The following KCND2 variants were observed in gnomAD, a reference collection of about 807,000 sequenced individuals.
KCND2 encodes A-type voltage-gated potassium channel KCND2.
A neutral mutation model predicts 54.4 loss-of-function variants in KCND2; 16 were observed. The observed-to-expected ratio is 0.29, with a 90% CI of 0.20 to 0.45. KCND2 has a LOEUF of 0.45. KCND2 is among the 20% of genes least tolerant of loss of function. KCND2 has a pLI of 1.00. For missense variants in KCND2, 486 were observed against 824.2 expected (o/e 0.59, Z 5.02); for synonymous variants, 317 against 310.7 (o/e 1.02, Z -0.21).
chr7:120,364,776 C>A (rs1800643199), intron 1 of KCND2, among the ~76,000 whole-genome samples: 1 of 151,964 alleles, frequency 6.6e-6, no homozygotes. Context: ...GGATGAGGAA[C>A]CTAATCAGAC....
chr7:120,636,316 TAC>T (rs1396560559), intron 1 of KCND2, among the ~76,000 whole-genome samples: 10 of 152,068 alleles, frequency 6.6e-5, no homozygotes, highest in African/African-American at 2.4e-4. Flanking sequence ...TATGGAGGTT[TAC>T]TTAAAGGAAG....
chr7:120,376,579 T>C (rs1378315525), intron 1 of KCND2, among the ~76,000 whole-genome samples: 1 of 151,104 alleles, frequency 6.6e-6, no homozygotes, highest in African/African-American at 2.4e-5. Flanking sequence ...CATTATAAAA[T>C]ATAAAAATAC....
intron 1 of KCND2, among the ~76,000 whole-genome samples, chr7:120,350,898 C>A (rs1205973045): frequency 6.6e-6 from 1 of 152,034 alleles, no homozygotes; most frequent in Admixed American, 6.6e-5. Context: ...TACTTATAAA[C>A]TGAAACACAA....
intron 1 of KCND2, among the ~76,000 whole-genome samples, chr7:120,593,882 T>C (rs1355228799): frequency 6.6e-6 from 1 of 152,158 alleles, no homozygotes; most frequent in East Asian, 1.9e-4. Flanking sequence ...TTGTCACATA[T>C]TACCAGAACA....
intron 1 of KCND2, among the ~76,000 whole-genome samples, chr7:120,633,052 G>T (rs1022557604): frequency 2.6e-5 from 4 of 152,260 alleles, no homozygotes; most frequent in Middle Eastern, 3.4e-3. Flanking sequence ...ATCAACCATT[G>T]TTAATCACAC....
At chr7:120,588,890 A>T (rs1182125123) in intron 1 of KCND2, among the ~76,000 whole-genome samples, 1 of 152,196 alleles carries the variant, frequency 6.6e-6, no homozygotes, top group Non-Finnish European at 1.5e-5. Flanking sequence ...TACTCAATAA[A>T]TGCCTCATAT....
At chr7:120,333,902 A>G (rs954009835) in intron 1 of KCND2, among the ~76,000 whole-genome samples, 5 of 152,170 alleles carry the variant, frequency 3.3e-5, no homozygotes, top group African/African-American at 1.2e-4. Context: ...TTTAGATCTT[A>G]ACAATATGTG....
intron 1 of KCND2, among the ~76,000 whole-genome samples, chr7:120,707,671 TGGTTGGG>T (rs1792486782): frequency 6.6e-6 from 1 of 152,098 alleles, no homozygotes; most frequent in Non-Finnish European, 1.5e-5. Flanking sequence ...CATCTGCCTC[TGGTTGGG>T]GTGCATGACA....
intron 1 of KCND2, among the ~76,000 whole-genome samples, chr7:120,379,498 A>G (rs1401465684): frequency 6.6e-6 from 1 of 152,058 alleles, no homozygotes; most frequent in Admixed American, 6.6e-5. Flanking sequence ...AAATATACTC[A>G]AACATCTCTG....
At chr7:120,289,189 G>C (rs1263795846) in intron 1 of KCND2, among the ~76,000 whole-genome samples, 1 of 151,946 alleles carries the variant, frequency 6.6e-6, no homozygotes, top group African/African-American at 2.4e-5. Flanking sequence ...TACACTTATT[G>C]GGCCCCTATT....
chr7:120,425,549 C>T (rs1375163863), intron 1 of KCND2, among the ~76,000 whole-genome samples: 1 of 152,202 alleles, frequency 6.6e-6, no homozygotes, highest in Non-Finnish European at 1.5e-5. Context: ...GCTACTATTA[C>T]TAAGTACTTC....
chr7:120,510,117 G>A (rs898142706), intron 1 of KCND2, among the ~76,000 whole-genome samples: 1 of 152,032 alleles, frequency 6.6e-6, no homozygotes, highest in Non-Finnish European at 1.5e-5. Flanking sequence ...TATTCTTGCT[G>A]AGAAGGCTTA....
intron 1 of KCND2, among the ~76,000 whole-genome samples, chr7:120,540,189 A>G (rs1229909249): frequency 1.3e-5 from 2 of 152,118 alleles, no homozygotes; most frequent in Non-Finnish European, 2.9e-5. Flanking sequence ...TAGAAAATGA[A>G]ATAGCTAGAG....
chr7:120,624,608 T>A (rs967222589), intron 1 of KCND2, among the ~76,000 whole-genome samples: 25 of 151,822 alleles, frequency 1.6e-4, no homozygotes, highest in Admixed American at 6.6e-5. Flanking sequence ...AATAAGACCT[T>A]GTCTCAAGAA....
intron 1 of KCND2, among the ~76,000 whole-genome samples, chr7:120,603,267 C>T (rs1297632122): frequency 2.0e-5 from 3 of 152,196 alleles, no homozygotes; most frequent in Non-Finnish European, 4.4e-5. Context: ...TAAGTTCTTT[C>T]TAGCTCCTCA....
intron 1 of KCND2, among the ~76,000 whole-genome samples, chr7:120,654,924 G>A (rs1305169934): frequency 6.6e-6 from 1 of 152,012 alleles, no homozygotes; most frequent in Non-Finnish European, 1.5e-5. Context: ...TGCCAGAGAA[G>A]ATGAAATATA....
chr7:120,657,341 AT>A (rs1791815092), intron 1 of KCND2, among the ~76,000 whole-genome samples: 2 of 152,178 alleles, frequency 1.3e-5, no homozygotes, highest in African/African-American at 4.8e-5. Context: ...GAAAACAGGC[AT>A]TGATATCTAT....
At chr7:120,683,654 C>T (rs1171660670) in intron 1 of KCND2, among the ~76,000 whole-genome samples, 1 of 152,006 alleles carries the variant, frequency 6.6e-6, no homozygotes, top group Non-Finnish European at 1.5e-5. Flanking sequence ...GAAAATGTGA[C>T]TAAGAGGCCT....
At chr7:120,598,231 A>C (rs745871889) in intron 1 of KCND2, among the ~76,000 whole-genome samples, 2 of 152,118 alleles carry the variant, frequency 1.3e-5, no homozygotes, top group Non-Finnish European at 2.9e-5. Flanking sequence ...TGTGTAAAAA[A>C]TCGGTAGCAT....
Sources: allele counts gnomAD v4.1 joint callset (sites outside exome capture counted in the v4.1 genomes callset), GRCh38; gene constraint gnomAD v4.1.1; transcripts MANE v1.5; gene names NCBI Gene and HGNC (gene_info 2026-07-23, HGNC 2026-07-21).